The following TMEM135 variants were observed in gnomAD, a reference collection of about 807,000 sequenced individuals.
The protein encoded by TMEM135 is peroxisomal membrane protein 52.
TMEM135 carries 30 observed loss-of-function variants against 60.3 expected under a neutral mutation model. That is an observed-to-expected ratio of 0.50 (90% confidence interval 0.37 to 0.68). The LOEUF (loss-of-function observed/expected upper bound fraction) is 0.68. Among genes scored for constraint, TMEM135 ranks in the 30% least tolerant of loss-of-function variants. The probability of loss-of-function intolerance (pLI) is 0.00; values close to 1 mark genes in which losing one functional copy is unlikely to be tolerated. For missense variants in TMEM135, 468 were observed against 548.8 expected (o/e 0.85, Z 1.47); for synonymous variants, 190 against 186.7 (o/e 1.02, Z -0.14).
In TMEM135 at chr11:87,321,970, A is replaced by G. The variant is rs770747196; in HGVS notation, c.*637A>G. ...ATGCTTTTTTTCAACTAATAACATCATCTCTCTTCATGACCAGTTAATTGG... is the reference window on the plus strand; with the variant it reads ...ATGCTTTTTTTCAACTAATAACATCGTCTCTCTTCATGACCAGTTAATTGG... On this transcript the variant is annotated 3_prime_UTR_variant, in exon 15 of 15. Transcript: ENST00000305494. The G allele has an allele frequency of 1.8e-5, 8 of 454,240 alleles. No individual in the cohort carries two copies. Among genetic ancestry groups the G allele is most frequent in the Admixed American group, 1.6e-4 (7 of 42,526 alleles). 28.1% of individuals were successfully genotyped at this position (454,240 alleles called of 1,614,324 possible).
chr11:87,064,757 G>A (rs1856614338), intron 1 of TMEM135, among the ~76,000 whole-genome samples: 1 of 152,116 alleles, frequency 6.6e-6, no homozygotes, highest in Admixed American at 6.6e-5. Context: ...GGTGGCCGGC[G>A]CCTGTAATCC....
chr11:87,053,880 C>G (rs1949866639), intron 1 of TMEM135, among the ~76,000 whole-genome samples: 1 of 152,104 alleles, frequency 6.6e-6, no homozygotes, highest in Non-Finnish European at 1.5e-5. Context: ...CATTGATATG[C>G]TCTTAATGTT....
intron 4 of TMEM135, among the ~76,000 whole-genome samples, chr11:87,108,216 T>A (rs1857647872): frequency 6.6e-6 from 1 of 152,250 alleles, no homozygotes; most frequent in Non-Finnish European, 1.5e-5. Context: ...GTAGGTTGCC[T>A]GTTCACTATG....
intron 4 of TMEM135, among the ~76,000 whole-genome samples, chr11:87,125,076 C>G (rs775635021): frequency 2.6e-5 from 4 of 151,954 alleles, no homozygotes; most frequent in Non-Finnish European, 5.9e-5. Flanking sequence ...GAACTTCTTT[C>G]AATTCTCTGA....
At chr11:87,116,386 A>G (rs1301669298) in intron 4 of TMEM135, among the ~76,000 whole-genome samples, 1 of 152,214 alleles carries the variant, frequency 6.6e-6, no homozygotes, top group East Asian at 1.9e-4. Flanking sequence ...GACATCTGAA[A>G]CTGAGGTAGC....
intron 5 of TMEM135, among the ~76,000 whole-genome samples, chr11:87,191,893 A>G (rs953760954): frequency 6.6e-6 from 1 of 151,874 alleles, no homozygotes; most frequent in Non-Finnish European, 1.5e-5. Flanking sequence ...AAAGTATGCT[A>G]GCATTCTCCT....
intron 5 of TMEM135, among the ~76,000 whole-genome samples, chr11:87,223,554 GA>G (rs952358992): frequency 2.0e-5 from 3 of 151,540 alleles, no homozygotes; most frequent in African/African-American, 4.8e-5. Flanking sequence ...AACTGCATTA[GA>G]AAAAAAACCC....
chr11:87,261,167 GA>G (rs1029920382), intron 6 of TMEM135, among the ~76,000 whole-genome samples: 3 of 152,116 alleles, frequency 2.0e-5, no homozygotes, highest in African/African-American at 7.2e-5. Flanking sequence ...AGTTAAAACA[GA>G]AAATAGCTAT....
rs1011772700 is a variant in TMEM135 at position 87,168,866 on chromosome 11, T to C, written c.462+11460T>C. On this transcript the variant is annotated intron_variant, in intron 5 of 14. Coordinates refer to ENST00000305494, the MANE Select transcript of TMEM135 (RefSeq NM_022918.4). Reference sequence around the variant, plus strand: ...TCAAGTCCTGGATATCCTTGTTAATTTTCTGTCTCGTTGATCTAATATGGA... The same window carrying C: ...TCAAGTCCTGGATATCCTTGTTAATCTTCTGTCTCGTTGATCTAATATGGA... 2.2e-4 allele frequency among the ~76,000 whole-genome samples: 34 copies of C among 152,146 alleles called. 1 individual carries two copies. Among genetic ancestry groups the C allele is most frequent in the African/African-American group, 7.5e-4 (31 of 41,448 alleles).
At chr11:87,076,881 T>C (rs1364394694) in intron 3 of TMEM135, among the ~76,000 whole-genome samples, 4 of 152,202 alleles carry the variant, frequency 2.6e-5, no homozygotes, top group African/African-American at 9.7e-5. Flanking sequence ...TCTCTTCTCC[T>C]ACTGTGGCTG....
intron 6 of TMEM135, among the ~76,000 whole-genome samples, chr11:87,294,267 T>A (rs1471541720): frequency 1.3e-5 from 2 of 152,220 alleles, no homozygotes; most frequent in Non-Finnish European, 2.9e-5. Context: ...CTGTACTGCA[T>A]CTAATAAAAA....
chr11:87,133,799 C>CT (rs36070851), intron 4 of TMEM135, among the ~76,000 whole-genome samples: 1 of 151,826 alleles, frequency 6.6e-6, no homozygotes, highest in Non-Finnish European at 1.5e-5. Flanking sequence ...TACATACTCT[C>CT]TTTTTTTATC....
chr11:87,184,376 G>T (rs552872071), intron 5 of TMEM135, among the ~76,000 whole-genome samples: 1 of 152,164 alleles, frequency 6.6e-6, no homozygotes, highest in Non-Finnish European at 1.5e-5. Context: ...ATGTTGGTCT[G>T]GGAAAAATGC....
intron 4 of TMEM135, among the ~76,000 whole-genome samples, chr11:87,111,070 T>C (rs890004348): frequency 9.9e-5 from 15 of 152,186 alleles, no homozygotes; most frequent in African/African-American, 3.6e-4. Flanking sequence ...TGTTGAAGTC[T>C]TAAAATGTAG....
chr11:87,187,964 T>G (rs2135312117), intron 5 of TMEM135, among the ~76,000 whole-genome samples: 1 of 152,344 alleles, frequency 6.6e-6, no homozygotes, highest in Admixed American at 6.5e-5. Context: ...AATGTTGTCT[T>G]TATCTGTCTT....
intron 6 of TMEM135, among the ~76,000 whole-genome samples, chr11:87,269,808 T>C (rs28841059): frequency 5.1e-4 from 77 of 150,344 alleles, no homozygotes; most frequent in Admixed American, 1.7e-3. Flanking sequence ...TAAACATACG[T>C]GTGCATGTGT....
chr11:87,295,944 A>T lies in TMEM135; in HGVS notation c.551+121A>T, dbSNP rs180737210. ...AACTGAAAATAATTTTAGAATTCAC[A>T]AAAGTATTTCCAAGCCTGCGGATAA... On this transcript the variant is annotated intron_variant, in intron 7 of 14. Transcript: ENST00000305494. The T allele has an allele frequency of 8.4e-4, 692 of 826,986 alleles. 5 individuals are homozygous for T. In the African/African-American group the frequency reaches 0.011, roughly 13 times the overall value. 51.2% of individuals were successfully genotyped at this position (826,986 alleles called of 1,614,324 possible).
chr11:87,314,414 A>C, intron 11 of TMEM135, 57 bp from the exon 12 acceptor site: 1 of 1,417,240 alleles, frequency 7.1e-7, no homozygotes, highest in Non-Finnish European at 9.9e-7. Context: ...TTCTGATGAC[A>C]TAATAACAAA....
At chr11:87,168,442 G>C (rs1279536880) in intron 5 of TMEM135, among the ~76,000 whole-genome samples, 1 of 151,956 alleles carries the variant, frequency 6.6e-6, no homozygotes, top group Admixed American at 6.6e-5. Flanking sequence ...GTGGGCATTT[G>C]GTGCTATAAA....
Sources: allele counts gnomAD v4.1 joint callset (sites outside exome capture counted in the v4.1 genomes callset), GRCh38; gene constraint gnomAD v4.1.1; transcripts MANE v1.5; gene names NCBI Gene and HGNC (gene_info 2026-07-23, HGNC 2026-07-21).